USH2A: variants seen among roughly 807,000 people sequenced by gnomAD.
The protein encoded by USH2A is usherin, also known as Usher syndrome 2A (autosomal recessive, mild).
USH2A carries 443 observed loss-of-function variants against 538.9 expected under a neutral mutation model. The ratio of observed to expected loss-of-function variants is 0.82; its 90% CI spans 0.76 to 0.89. The LOEUF (loss-of-function observed/expected upper bound fraction) is 0.89. USH2A is among the 40% of genes least tolerant of loss of function. The pLI is 0.00. For missense variants in USH2A, 6,633 were observed against 6,324.8 expected, an observed-to-expected ratio of 1.05 and a Z score of -1.65; for synonymous variants, 2,413 against 2,273.5, an observed-to-expected ratio of 1.06 and a Z score of -1.75.
intron 37 of USH2A, among the ~76,000 whole-genome samples, chr1:215,946,462 T>C (rs1265912044): frequency 2.0e-5 from 3 of 152,178 alleles, no homozygotes; most frequent in African/African-American, 7.2e-5. Context: ...AAAAAGGAGA[T>C]GATTTGTTTA....
At chr1:216,151,837 G>A (rs941219979) in intron 21 of USH2A, among the ~76,000 whole-genome samples, 2 of 152,092 alleles carry the variant, frequency 1.3e-5, no homozygotes, top group African/African-American at 2.4e-5. Flanking sequence ...ACCCCCTTGG[G>A]CACTCTCTAA....
At chr1:215,774,066 C>T (rs4308955) in intron 55 of USH2A, among the ~76,000 whole-genome samples, 26 of 152,186 alleles carry the variant, frequency 1.7e-4, no homozygotes, top group African/African-American at 5.1e-4. Flanking sequence ...TTCCTCCCCC[C>T]CATTGAGCAG....
intron 37 of USH2A, among the ~76,000 whole-genome samples, chr1:215,960,053 T>C (rs1667160796): frequency 6.6e-6 from 1 of 152,168 alleles, no homozygotes; most frequent in Non-Finnish European, 1.5e-5. Flanking sequence ...AAGGGAAGTC[T>C]AGTAGTAAAG....
chr1:215,642,913 T>G lies in USH2A; in HGVS notation c.14792-2179A>C, dbSNP rs111289705. On this transcript the variant is annotated intron_variant, in intron 67 of 71. Transcript: ENST00000307340. ...GGATTCAAGCAGAGGGAACTAAATG[T>G]GTTGTTAGGCTTCTTCTCCAGACCC... Among the ~76,000 whole-genome samples, 227 of 152,266 alleles carry G rather than the reference T, an allele frequency of 1.5e-3. 1 individual carries two copies. The highest frequency in any genetic ancestry group is 5.3e-3 in the African/African-American group (222 of 41,570).
At chr1:216,402,785 A>G (rs898421491) in intron 3 of USH2A, among the ~76,000 whole-genome samples, 3 of 152,148 alleles carry the variant, frequency 2.0e-5, no homozygotes, top group Non-Finnish European at 4.4e-5. Context: ...TTTTAACTCC[A>G]TCGGGAGTCA....
chr1:215,667,933 G>A (rs1657684170), intron 64 of USH2A, among the ~76,000 whole-genome samples: 1 of 151,928 alleles, frequency 6.6e-6, no homozygotes, highest in South Asian at 2.1e-4. Flanking sequence ...AGTGTAGGAA[G>A]GTGGTGGGGA....
chr1:215,879,005 A>C lies in USH2A; in HGVS notation c.8317T>G (p.Ser2773Ala). The change falls in exon 42 of 72, where the codon TCC becomes GCC. Residue 2773 changes from serine to alanine, a missense_variant. Transcript: ENST00000307340. ...GTAACTTTTTGACTTAACACTGCGG[A>C]AGTCACATTGGTTAAAGTGATGTGA... Reference protein sequence around the residue: ...DPHITLTNVTSAVLSQKVTHL... With the variant: ...DPHITLTNVTAAVLSQKVTHL... The C allele has an allele frequency of 6.2e-7, 1 of 1,614,096 alleles. No homozygotes were observed.
intron 30 of USH2A, among the ~76,000 whole-genome samples, chr1:216,066,256 G>A (rs535955318): frequency 1.3e-5 from 2 of 152,048 alleles, no homozygotes; most frequent in African/African-American, 2.4e-5. Flanking sequence ...GAATCACGAG[G>A]TCAGGAAATC....
intron 21 of USH2A, among the ~76,000 whole-genome samples, chr1:216,107,333 T>C (rs1263860344): frequency 6.6e-6 from 1 of 151,834 alleles, no homozygotes; most frequent in Non-Finnish European, 1.5e-5. Flanking sequence ...TAAGCACATT[T>C]AGGATAATTT....
intron 71 of USH2A, among the ~76,000 whole-genome samples, chr1:215,626,913 G>A (rs1218615411): frequency 6.6e-6 from 1 of 152,084 alleles, no homozygotes; most frequent in African/African-American, 2.4e-5. Flanking sequence ...TTGCTGTTTT[G>A]CATGTCAAAA....
intron 3 of USH2A, among the ~76,000 whole-genome samples, chr1:216,385,947 A>G (rs1395439542): frequency 6.6e-6 from 1 of 152,192 alleles, no homozygotes; most frequent in African/African-American, 2.4e-5. Flanking sequence ...ATAATCCAAG[A>G]AGCACTATCA....
At chr1:216,261,470 G>GA (rs975847865) in intron 11 of USH2A, among the ~76,000 whole-genome samples, 1 of 146,486 alleles carries the variant, frequency 6.8e-6, no homozygotes, top group Non-Finnish European at 1.5e-5. Context: ...AAAAAGGCTG[G>GA]AAAAAAATCT....
rs932123250 is a variant in USH2A, at chr1:215,755,092, T to A, written c.11389+3503A>T. Among the ~76,000 whole-genome samples, 6 of 152,304 alleles carry A rather than the reference T, an allele frequency of 3.9e-5. No homozygotes were observed. The Middle Eastern group carries it at 0.014, about 345-fold the overall frequency. ...AGCAATACCTAGATCTGTTCCTTGG[T>A]CCTCTGGGCTACTATTTCAAAAACA... On this transcript the variant is annotated intron_variant, in intron 58 of 71. Transcript: ENST00000307340.
At chr1:216,317,029 G>A (rs1040366729) in intron 9 of USH2A, among the ~76,000 whole-genome samples, 3 of 152,080 alleles carry the variant, frequency 2.0e-5, no homozygotes, top group Admixed American at 2.0e-4. Context: ...CCTTCTATAG[G>A]TTGTCTGTTC....
intron 56 of USH2A, 110 bp from the exon 57 acceptor site, chr1:215,759,953 A>G (rs1215781233): frequency 1.6e-6 from 2 of 1,283,822 alleles, no homozygotes; most frequent in East Asian, 4.8e-5. Flanking sequence ...TGATTTTAAA[A>G]AATATCTAAC....
At chr1:215,765,733 C>T (rs768257201) in intron 56 of USH2A, among the ~76,000 whole-genome samples, 2 of 152,114 alleles carry the variant, frequency 1.3e-5, no homozygotes, top group Non-Finnish European at 2.9e-5. Flanking sequence ...TAACCATTAA[C>T]AATAAATGCC....
intron 58 of USH2A, among the ~76,000 whole-genome samples, chr1:215,753,581 T>C (rs1249966744): frequency 1.3e-5 from 2 of 151,978 alleles, no homozygotes; most frequent in Non-Finnish European, 2.9e-5. Context: ...AAACACCACA[T>C]GTTCTCACTC....
rs367673219 is a variant in USH2A at position 215,674,251 on chromosome 1, G to A, written c.13660C>T (p.Pro4554Ser). 1.2e-6 allele frequency: 2 copies of A among 1,614,036 alleles called. No homozygotes were observed. Among genetic ancestry groups the A allele is most frequent in the Non-Finnish European group, 1.7e-6 (2 of 1,180,006 alleles). The change falls in exon 63 of 72, where the codon CCT becomes TCT. Residue 4554 changes from proline (P) to serine (S), a missense_variant. Transcript: ENST00000307340. ...ATATCACCATTTGTTCTCACTGGAG[G>A]GTCCCAGTTCACTAAGATCTCCTGA... Reference protein sequence around the residue: ...GPQEILVNWDPPVRTNGDIIN... With the variant: ...GPQEILVNWDSPVRTNGDIIN...
chr1:216,304,946 A>G (rs1029016218), intron 9 of USH2A, among the ~76,000 whole-genome samples: 2 of 151,822 alleles, frequency 1.3e-5, no homozygotes, highest in East Asian at 3.9e-4. Flanking sequence ...CACATGGTGT[A>G]TCTTGGAGGA....
Sources: gnomAD v4.1 joint callset for allele counts (sites outside exome capture counted in the v4.1 genomes callset) on GRCh38, gnomAD v4.1.1 for gene constraint, MANE v1.5 for transcripts, NCBI Gene and HGNC (gene_info 2026-07-23, HGNC 2026-07-21) for gene names.